C5: variants seen among roughly 807,000 people sequenced by gnomAD.
C5 encodes C3 and PZP-like alpha-2-macroglobulin domain-containing protein 4.
C5 carries 140 observed loss-of-function variants against 218.8 expected under a neutral mutation model. The ratio of observed to expected loss-of-function variants is 0.64; its 90% CI spans 0.56 to 0.74. The LOEUF (loss-of-function observed/expected upper bound fraction) is 0.74. Among genes scored for constraint, C5 ranks in the 30% least tolerant of loss-of-function variants. The pLI, the probability that C5 is intolerant of heterozygous loss-of-function variation, is 0.00. For synonymous variants in C5, 614 were observed against 682.3 expected (o/e 0.90, Z 1.56); for missense variants, 1,700 against 1,969.6 (o/e 0.86, Z 2.59).
chr9:120,972,921 G>A (rs780753949), intron 30 of C5, among the ~76,000 whole-genome samples: 37 of 152,168 alleles, frequency 2.4e-4, no homozygotes, highest in Non-Finnish European at 5.0e-4. Flanking sequence ...TTGAGATACT[G>A]CATGTGAAAA....
intron 12 of C5, 27 bp from the exon 13 acceptor site, chr9:121,017,879 T>A (rs904916938): frequency 4.9e-6 from 7 of 1,417,980 alleles, no homozygotes; most frequent in Non-Finnish European, 6.0e-6. Context: ...GCAGCAACAA[T>A]AAGTAAAAAA....
At chr9:121,069,880 G>C in the C5 span, among the ~76,000 whole-genome samples, 1 of 152,142 alleles carries the variant, frequency 6.6e-6, no homozygotes, top group Non-Finnish European at 1.5e-5. Context: ...GAACAGTGTG[G>C]AAGTTCCTCA....
chr9:121,018,610 GAA>G (rs2047330598), intron 12 of C5, among the ~76,000 whole-genome samples: 1 of 97,090 alleles, frequency 1.0e-5, no homozygotes, highest in Non-Finnish European at 2.0e-5. Flanking sequence ...AGGAAGGAAG[GAA>G]GGAAGGCAAG....
intron 20 of C5, among the ~76,000 whole-genome samples, chr9:121,003,284 CT>C (rs2047187361): frequency 6.6e-6 from 1 of 151,154 alleles, no homozygotes; most frequent in Non-Finnish European, 1.5e-5. Flanking sequence ...GAGCAAGACT[CT>C]GTCTCAAAAA....
At chr9:121,014,635 A>C (rs937292130) in intron 16 of C5, among the ~76,000 whole-genome samples, 1 of 152,174 alleles carries the variant, frequency 6.6e-6, no homozygotes, top group Non-Finnish European at 1.5e-5. Flanking sequence ...ACTCATATAC[A>C]AATGGAAGAA....
At chr9:121,040,194 G>A (rs763113403) in intron 3 of C5, among the ~76,000 whole-genome samples, 2 of 152,216 alleles carry the variant, frequency 1.3e-5, no homozygotes, top group African/African-American at 2.4e-5. Context: ...GGTGAAGTAG[G>A]AGTTAACAAG....
rs41308012 is a variant in C5 at position 121,034,070 on chromosome 9, G to A, written c.584+733C>T. Among the ~76,000 whole-genome samples the A allele has an allele frequency of 8.4e-3, 1,285 of 152,170 alleles. 23 individuals carry two copies. The highest frequency in any genetic ancestry group is 0.029 in the African/African-American group (1,221 of 41,532). ...CGAGTAGCTGGGATTACAGGTGCCTGCCACCACGCCTGGCTTTTTTTGTAT... is the reference window on the plus strand; with the variant it reads ...CGAGTAGCTGGGATTACAGGTGCCTACCACCACGCCTGGCTTTTTTTGTAT... On this transcript the variant is annotated intron_variant, in intron 5 of 40. Coordinates refer to ENST00000223642, the MANE Select transcript of C5 (RefSeq NM_001735.3).
At chr9:120,994,648 A>G (rs946818196) in intron 22 of C5, among the ~76,000 whole-genome samples, 2 of 152,166 alleles carry the variant, frequency 1.3e-5, no homozygotes, top group Non-Finnish European at 2.9e-5. Context: ...AATAAGCTGA[A>G]CAGAATTTTT....
In C5 at chr9:120,989,698, T is replaced by C; in HGVS notation, c.3024A>G (p.Ala1008=). ...NILTHLPKGS[A]EAELMSVVPV... ...GGACAACGCTCATCAGCTCCGCCTC[T>C]GCACTCCCTTTGGGGAGGTGGGTTA... The change falls in exon 24 of 41, where the codon GCA becomes GCG. Residue 1008 remains alanine (A), a synonymous_variant. Transcript: ENST00000223642. 2 of 1,614,076 alleles carry C rather than the reference T, an allele frequency of 1.2e-6. No individual in the cohort carries two copies. The highest frequency in any genetic ancestry group is 1.7e-6 in the Non-Finnish European group (2 of 1,179,920).
chr9:121,054,914 T>G (rs1308570871), upstream of C5, among the ~76,000 whole-genome samples: 1 of 151,918 alleles, frequency 6.6e-6, no homozygotes, highest in Non-Finnish European at 1.5e-5. Flanking sequence ...CCATTGATTC[T>G]CTCGGAGGGC....
At chr9:120,973,869 C>G (rs1327387068) in intron 30 of C5, among the ~76,000 whole-genome samples, 1 of 151,880 alleles carries the variant, frequency 6.6e-6, no homozygotes, top group Non-Finnish European at 1.5e-5. Flanking sequence ...ATCCCGCCTG[C>G]TTTGGAGGCT....
At chr9:120,984,206 AT>A (rs11314681) in intron 25 of C5, among the ~76,000 whole-genome samples, 95,648 of 151,218 alleles carry the variant, frequency 0.63, 30,352 homozygotes, top group East Asian at 0.77. Context: ...TATTTTAAAG[AT>A]TTTTTTTTTG....
chr9:121,021,259 G>A (rs920145759), intron 11 of C5, among the ~76,000 whole-genome samples: 4 of 152,168 alleles, frequency 2.6e-5, no homozygotes, highest in African/African-American at 9.7e-5. Flanking sequence ...TCTAGAGTCT[G>A]ATATGGTCTT....
chr9:121,044,781 A>G (rs41307974), intron 2 of C5, among the ~76,000 whole-genome samples: 27 of 152,320 alleles, frequency 1.8e-4, no homozygotes, highest in African/African-American at 5.3e-4. Flanking sequence ...GCTGTTTACT[A>G]TGGTAGCCAA....
intron 3 of C5, among the ~76,000 whole-genome samples, chr9:121,039,569 G>A (rs1265352037): frequency 1.3e-5 from 2 of 152,058 alleles, no homozygotes; most frequent in South Asian, 2.1e-4. Context: ...CCTGGGAGGC[G>A]GAGATTGCAA....
chr9:121,033,569 G>T (rs1206935933), intron 5 of C5, among the ~76,000 whole-genome samples: 1 of 152,246 alleles, frequency 6.6e-6, no homozygotes, highest in East Asian at 1.9e-4. Context: ...AATTTGCCAT[G>T]GGGCAAGTGG....
chr9:121,030,857 T>C (rs1587991339), intron 6 of C5, among the ~76,000 whole-genome samples: 1 of 152,252 alleles, frequency 6.6e-6, no homozygotes, highest in Middle Eastern at 3.4e-3. Context: ...CCAAGCAAGA[T>C]AGCTTGGAAG....
At chr9:121,045,518 T>A (rs1429590563) in intron 2 of C5, among the ~76,000 whole-genome samples, 1 of 152,154 alleles carries the variant, frequency 6.6e-6, no homozygotes, top group Non-Finnish European at 1.5e-5. Context: ...AATTTCTTTA[T>A]AAAGAACTCA....
intron 27 of C5, 43 bp downstream of exon 27, chr9:120,981,801 A>G: frequency 3.0e-6 from 4 of 1,352,126 alleles, no homozygotes; most frequent in Non-Finnish European, 4.2e-6. Flanking sequence ...TATATAGTAC[A>G]GAAATAGATG....
Sources: gnomAD v4.1 joint callset for allele counts (sites outside exome capture counted in the v4.1 genomes callset) on GRCh38, gnomAD v4.1.1 for gene constraint, MANE v1.5 for transcripts, NCBI Gene and HGNC (gene_info 2026-07-23, HGNC 2026-07-21) for gene names.